HMMR: variants seen among roughly 807,000 people sequenced by gnomAD.
HMMR encodes hyaluronan mediated motility receptor, also known as intracellular hyaluronic acid-binding protein.
A neutral mutation model predicts 101.0 loss-of-function variants in HMMR; 108 were observed. The observed-to-expected ratio is 1.07, with a 90% CI of 0.92 to 1.25. The LOEUF (loss-of-function observed/expected upper bound fraction) is 1.25, where lower values mean the gene tolerates loss of function less well. HMMR is among the 50% of genes most tolerant of loss of function. HMMR has a pLI of 0.00. For synonymous variants in HMMR, 296 were observed against 276.4 expected, an observed-to-expected ratio of 1.07 and a Z score of -0.70; for missense variants, 813 against 788.7, an observed-to-expected ratio of 1.03 and a Z score of -0.37.
rs188594383 is a variant in HMMR at position 163,466,431 on chromosome 5, C to T, written c.226-1270C>T. On this transcript the variant is annotated intron_variant, in intron 3 of 17. Coordinates refer to ENST00000393915, the MANE Select transcript of HMMR (RefSeq NM_001142556.2). The stretch of plus-strand genomic sequence containing the variant: ...GTTGTTCTGTATGGAAGCATAGCCA[C>T]ATGTGTCTATTGAGCAACTGAAATG... Among the ~76,000 whole-genome samples the T allele has an allele frequency of 5.5e-4, 83 of 152,268 alleles. 1 individual carries two copies. Among genetic ancestry groups the T allele is most frequent in the African/African-American group, 1.9e-3 (81 of 41,552 alleles).
chr5:163,460,958 G>A (rs1758503838), intron 1 of HMMR, among the ~76,000 whole-genome samples: 1 of 152,200 alleles, frequency 6.6e-6, no homozygotes, highest in African/African-American at 2.4e-5. Context: ...GCCCCGTGGG[G>A]CTTACATTCA....
At chr5:163,481,070 G>GA (rs1187467486) in intron 12 of HMMR, among the ~76,000 whole-genome samples, 10 of 151,812 alleles carry the variant, frequency 6.6e-5, no homozygotes, top group African/African-American at 2.2e-4. Context: ...TTTCCACCTA[G>GA]AACTGATTTC....
chr5:163,468,252 C>T (rs767442440), intron 4 of HMMR, among the ~76,000 whole-genome samples: 1 of 152,170 alleles, frequency 6.6e-6, no homozygotes, highest in Non-Finnish European at 1.5e-5. Context: ...CTACTCACCA[C>T]ATGTGATGAT....
chr5:163,464,890 G>A (rs1416710291), intron 3 of HMMR, 88 bp downstream of exon 3: 7 of 773,574 alleles, frequency 9.0e-6, no homozygotes, highest in South Asian at 4.5e-5. Context: ...TGGGTTAAGT[G>A]TATGAATCAA....
At chr5:163,465,171 G>A (rs1348148318) in intron 3 of HMMR, 1 of 198,828 alleles carries the variant, frequency 5.0e-6, no homozygotes, top group Admixed American at 5.7e-5. Context: ...TTGAAGAAAA[G>A]TGGGAAAAAA....
At chr5:163,482,403 A>T (rs528048636) in intron 12 of HMMR, among the ~76,000 whole-genome samples, 4 of 152,164 alleles carry the variant, frequency 2.6e-5, no homozygotes, top group East Asian at 3.9e-4. Context: ...CCATCTCTGT[A>T]TGCATACTTC....
rs763839794 is a variant in HMMR, at chr5:163,478,760, A to G, written c.1345A>G (p.Met449Val). Residue 449 changes from methionine to valine, a missense_variant, in exon 12 of 18, where the codon ATG becomes GTG. Physicochemically the swap from Met to Val is conservative, Grantham distance 21 (BLOSUM62 1). Transcript: ENST00000393915. Reference protein sequence around the residue: ...TLLLQEKYDSMVQSLEDVTAQ... With the variant: ...TLLLQEKYDSVVQSLEDVTAQ... ...GCTTTTGCAGGAAAAGTATGACAGT[A>G]TGGTGCAAAGCCTTGAAGATGTTAC... is the stretch of plus-strand genomic sequence containing the variant. 17 of 1,612,252 alleles carry G rather than the reference A, an allele frequency of 1.1e-5. No homozygotes were observed. The East Asian group carries it at 2.0e-4, about 19-fold the overall frequency.
rs1758822303 is a variant in HMMR at position 163,469,832 on chromosome 5, A to T, written c.462+3A>T. ...CTAATGAACTACTAAAATCTAAGGT[A>T]TCTGAGCCTCATGATAATATTTACA... On this transcript the variant is annotated splice_donor_region_variant and intron_variant, in intron 5 of 17. Coordinates refer to ENST00000393915, the MANE Select transcript of HMMR (RefSeq NM_001142556.2). The T allele has an allele frequency of 9.6e-6, 15 of 1,557,320 alleles. No homozygotes were observed. Among genetic ancestry groups the T allele is most frequent in the Non-Finnish European group, 1.3e-5 (15 of 1,138,292 alleles).
intron 11 of HMMR, among the ~76,000 whole-genome samples, 172 bp from the exon 12 acceptor site, chr5:163,478,512 A>G (rs1355797399): frequency 6.6e-6 from 1 of 152,226 alleles, no homozygotes; most frequent in Non-Finnish European, 1.5e-5. Flanking sequence ...AAAATGCATA[A>G]AAAACATGCT....
intron 5 of HMMR, among the ~76,000 whole-genome samples, 163 bp from the exon 6 acceptor site, chr5:163,471,017 TAAATC>T (rs1758869622): frequency 6.6e-6 from 1 of 152,084 alleles, no homozygotes; most frequent in African/African-American, 2.4e-5. Flanking sequence ...AAAAAAAAAT[TAAATC>T]AATCAGTAAT....
intron 7 of HMMR, 141 bp from the exon 8 acceptor site, chr5:163,473,038 A>G: frequency 2.0e-6 from 1 of 490,480 alleles, no homozygotes; most frequent in Non-Finnish European, 3.7e-6. Flanking sequence ...TGTGAATTTG[A>G]GAAATTACAT....
At position 163,464,732 on chromosome 5, in the gene HMMR, A is replaced by G; in HGVS notation, c.155A>G (p.Gln52Arg). 1.2e-6 allele frequency: 2 copies of G among 1,609,788 alleles called. No homozygotes were observed. The highest frequency in any genetic ancestry group is 2.2e-5 in the South Asian group (2 of 90,966). ...QRFKQQKESK[Q>R]NLNVDKDTTL... ...ATTCATTTTTCCGCAGAATCTAAAC[A>G]AAATCTTAATGTTGACAAAGATACT... The change falls in exon 3 of 18, where the codon CAA becomes CGA. Residue 52 changes from glutamine to arginine, a missense_variant. Gln to Arg is a conservative substitution (Grantham distance 43, BLOSUM62 1). Coordinates refer to ENST00000393915, the MANE Select transcript of HMMR (RefSeq NM_001142556.2).
At chr5:163,463,625 G>A (rs1439875552) in intron 1 of HMMR, among the ~76,000 whole-genome samples, 4 of 152,092 alleles carry the variant, frequency 2.6e-5, no homozygotes, top group South Asian at 2.1e-4. Flanking sequence ...CAAAACTGTC[G>A]TTTGCTCAGT....
chr5:163,490,357 A>G (rs1561649627), intron 16 of HMMR, 33 bp from the exon 17 acceptor site: 1 of 1,399,090 alleles, frequency 7.1e-7, no homozygotes, highest in East Asian at 2.3e-5. Context: ...CTCTTTAATA[A>G]TTGTTTATTA....
rs746003154 is a variant in HMMR, at chr5:163,473,483, A to G, written c.830A>G (p.Glu277Gly). The change falls in exon 9 of 18, where the codon GAG (glutamate) becomes GGG (glycine). Residue 277 changes from glutamate (E) to glycine (G), a missense_variant. Coordinates refer to ENST00000393915, the MANE Select transcript of HMMR (RefSeq NM_001142556.2). ...DEILSLKQSL[E>G]ENIVILSKQV... ...ATTTTAAGCCTTAAGCAGTCTCTTGAGGAGAATATTGTTATATTATCTAAA... is the reference window on the plus strand; with the variant it reads ...ATTTTAAGCCTTAAGCAGTCTCTTGGGGAGAATATTGTTATATTATCTAAA... The G allele has an allele frequency of 1.2e-6, 2 of 1,602,396 alleles. No homozygotes were observed. Among genetic ancestry groups the G allele is most frequent in the Admixed American group, 1.7e-5 (1 of 58,894 alleles).
At chr5:163,469,556 A>G (rs538214275) in intron 4 of HMMR, 85 bp from the exon 5 acceptor site, 1 of 1,107,612 alleles carries the variant, frequency 9.0e-7, no homozygotes, top group Non-Finnish European at 1.3e-6. Context: ...ATTTTTCCAG[A>G]AACTTTAGGG....
intron 2 of HMMR, among the ~76,000 whole-genome samples, chr5:163,464,348 G>A (rs1758631851): frequency 6.6e-6 from 1 of 152,310 alleles, no homozygotes; most frequent in Middle Eastern, 3.4e-3. Flanking sequence ...GGGCAAGGTG[G>A]CTCGTGCTCG....
Position 163,484,212 on chromosome 5 carries a change from G to A in HMMR, c.1929G>A (p.Val643=). 3 of 1,599,846 alleles carry A rather than the reference G, an allele frequency of 1.9e-6. No homozygotes were observed. The highest frequency in any genetic ancestry group is 1.7e-6 in the Non-Finnish European group (2 of 1,174,404). The change falls in exon 16 of 18, where the codon GTG becomes GTA. Residue 643 remains valine, a synonymous_variant. Transcript: ENST00000393915. The stretch of plus-strand genomic sequence containing the variant: ...TGAAACAAAAAATCAAGCATGTTGT[G>A]AAGTTGAAAGATGAAAATAGCCAAC... ...QNLKQKIKHV[V]KLKDENSQLK... is the part of the protein sequence containing the mutation.
chr5:163,460,847 G>A, intron 1 of HMMR, 109 bp downstream of exon 1: 1 of 888,480 alleles, frequency 1.1e-6, no homozygotes, highest in Non-Finnish European at 1.8e-6. Context: ...GTCGGGCTGG[G>A]GCTCATTCAG....
Sources: gnomAD v4.1 joint callset for allele counts (sites outside exome capture counted in the v4.1 genomes callset) on GRCh38, gnomAD v4.1.1 for gene constraint, MANE v1.5 for transcripts, NCBI Gene and HGNC (gene_info 2026-07-23, HGNC 2026-07-21) for gene names.